KIF6: variants seen among roughly 807,000 people sequenced by gnomAD.
The protein encoded by KIF6 is kinesin family member 6, also known as kinesin-like protein KIF6.
KIF6 carries 106 observed loss-of-function variants against 112.7 expected under a neutral mutation model. The ratio of observed to expected loss-of-function variants is 0.94; its 90% CI spans 0.80 to 1.11. The LOEUF is 1.11. Among genes scored for constraint, KIF6 ranks in the 50% least tolerant of loss-of-function variants. KIF6 has a pLI of 0.00. For missense variants in KIF6, 929 were observed against 964.0 expected (o/e 0.96, Z 0.48); for synonymous variants, 339 against 339.9 (o/e 1.00, Z 0.03).
intron 13 of KIF6, among the ~76,000 whole-genome samples, chr6:39,438,980 A>G (rs1319856374): frequency 6.6e-6 from 1 of 152,238 alleles, no homozygotes; most frequent in Non-Finnish European, 1.5e-5. Flanking sequence ...AACATGCTGT[A>G]CAGGTTTGTA....
intron 16 of KIF6, among the ~76,000 whole-genome samples, chr6:39,384,142 G>C (rs1312175065): frequency 6.6e-6 from 1 of 152,108 alleles, no homozygotes; most frequent in Non-Finnish European, 1.5e-5. Flanking sequence ...TCTTTCTCTG[G>C]CCTAATTGCT....
intron 13 of KIF6, among the ~76,000 whole-genome samples, chr6:39,454,578 C>T (rs1358779058): frequency 3.4e-5 from 5 of 148,572 alleles, no homozygotes; most frequent in African/African-American, 5.0e-5. Context: ...ACGCAGAAGA[C>T]GGGTGATTTC....
chr6:39,460,074 C>T (rs1440304373), intron 13 of KIF6, among the ~76,000 whole-genome samples: 59 of 148,970 alleles, frequency 4.0e-4, no homozygotes, highest in Non-Finnish European at 7.0e-4. Context: ...CACATGCACA[C>T]GTATGTTTAT....
chr6:39,457,514 T>G (rs1331921987), intron 13 of KIF6, among the ~76,000 whole-genome samples: 1 of 149,006 alleles, frequency 6.7e-6, no homozygotes, highest in Non-Finnish European at 1.5e-5. Flanking sequence ...AAGAAATAAC[T>G]AAAATCAGAG....
chr6:39,435,193 T>C (rs1309345536), intron 13 of KIF6, among the ~76,000 whole-genome samples: 3 of 152,176 alleles, frequency 2.0e-5, no homozygotes, highest in African/African-American at 7.2e-5. Flanking sequence ...ATATTAATAG[T>C]AGATTTACCC....
intron 3 of KIF6, among the ~76,000 whole-genome samples, chr6:39,710,330 G>A (rs759569230): frequency 6.6e-6 from 1 of 152,106 alleles, no homozygotes; most frequent in Non-Finnish European, 1.5e-5. Context: ...GAAACAGCAT[G>A]CTCAAACAGA....
chr6:39,529,680 G>C (rs1229137924), intron 13 of KIF6, among the ~76,000 whole-genome samples: 1 of 152,118 alleles, frequency 6.6e-6, no homozygotes, highest in African/African-American at 2.4e-5. Context: ...CCAGCTACTT[G>C]GGAGGGTGAG....
chr6:39,680,777 A>G (rs1024439196), intron 3 of KIF6, among the ~76,000 whole-genome samples: 2 of 152,230 alleles, frequency 1.3e-5, no homozygotes, highest in Non-Finnish European at 2.9e-5. Context: ...AAGCTAAGGT[A>G]GCTACAGAAG....
intron 10 of KIF6, among the ~76,000 whole-genome samples, chr6:39,572,659 CTTTT>C (rs35901482): frequency 1.4e-4 from 14 of 102,200 alleles, no homozygotes; most frequent in South Asian, 3.5e-4. Flanking sequence ...GATCTACAGG[CTTTT>C]TTTTTTTTTT....
intron 13 of KIF6, among the ~76,000 whole-genome samples, chr6:39,521,308 G>C (rs566275623): frequency 7.2e-5 from 11 of 152,254 alleles, no homozygotes; most frequent in African/African-American, 2.6e-4. Flanking sequence ...TATTGCTCTT[G>C]CTTTAGTGTC....
intron 13 of KIF6, among the ~76,000 whole-genome samples, chr6:39,441,811 A>C (rs1771937745): frequency 6.6e-6 from 1 of 152,188 alleles, no homozygotes; most frequent in African/African-American, 2.4e-5. Flanking sequence ...AACTCAGATA[A>C]TATCACCTGG....
chr6:39,665,171 G>A (rs572193195), intron 3 of KIF6, among the ~76,000 whole-genome samples: 2 of 152,254 alleles, frequency 1.3e-5, no homozygotes, highest in Admixed American at 6.5e-5. Flanking sequence ...AACCTAAGAC[G>A]AAATTGATGG....
At chr6:39,542,258 C>T (rs995405104) in intron 12 of KIF6, among the ~76,000 whole-genome samples, 1 of 152,168 alleles carries the variant, frequency 6.6e-6, no homozygotes, top group Non-Finnish European at 1.5e-5. Flanking sequence ...CTTCTTCTCA[C>T]CTTTCCCCTG....
At chr6:39,536,473 G>T (rs1351817321) in intron 13 of KIF6, among the ~76,000 whole-genome samples, 1 of 151,494 alleles carries the variant, frequency 6.6e-6, no homozygotes, top group Non-Finnish European at 1.5e-5. Flanking sequence ...AGAAGAAATG[G>T]ATAAATTCCT....
At chr6:39,682,540 G>A (rs1456961685) in intron 3 of KIF6, among the ~76,000 whole-genome samples, 1 of 152,178 alleles carries the variant, frequency 6.6e-6, no homozygotes, top group Admixed American at 6.5e-5. Flanking sequence ...ACTATGAAGA[G>A]AATGCAAATA....
intron 15 of KIF6, among the ~76,000 whole-genome samples, chr6:39,403,041 T>TA (rs58238004): frequency 6.6e-5 from 10 of 150,884 alleles, no homozygotes; most frequent in East Asian, 3.9e-4. Flanking sequence ...CTAGAGAAAT[T>TA]AAAAAAAAAA....
rs186444181 is a variant in KIF6 at position 39,702,196 on chromosome 6, A to G, written c.251+12496T>C. Reference sequence around the variant, plus strand: ...ATCCTTCCAGACTCTCATTCTCTCTACCTGAATGCCTTTCAGCTTCTGTTC... The same window carrying G: ...ATCCTTCCAGACTCTCATTCTCTCTGCCTGAATGCCTTTCAGCTTCTGTTC... On this transcript the variant is annotated intron_variant, in intron 3 of 22. Coordinates refer to ENST00000287152, the MANE Select transcript of KIF6 (RefSeq NM_145027.6). Among the ~76,000 whole-genome samples the G allele has an allele frequency of 7.2e-5, 11 of 151,864 alleles. No individual in the cohort carries two copies. In the East Asian group the frequency reaches 2.1e-3, roughly 29 times the overall value.
chr6:39,678,245 G>C (rs909222939), intron 3 of KIF6, among the ~76,000 whole-genome samples: 1 of 151,910 alleles, frequency 6.6e-6, no homozygotes, highest in Non-Finnish European at 1.5e-5. Context: ...TCAGTGTGGC[G>C]ATTCCTCAGG....
At chr6:39,491,023 A>G (rs1420755419) in intron 13 of KIF6, among the ~76,000 whole-genome samples, 4 of 152,142 alleles carry the variant, frequency 2.6e-5, no homozygotes, top group Non-Finnish European at 4.4e-5. Context: ...CTCCCATTAC[A>G]CATGCTTTTC....
Sources: gnomAD v4.1 joint callset for allele counts (sites outside exome capture counted in the v4.1 genomes callset) on GRCh38, gnomAD v4.1.1 for gene constraint, MANE v1.5 for transcripts, NCBI Gene and HGNC (gene_info 2026-07-23, HGNC 2026-07-21) for gene names.